Variants in NAALADL2 observed in about 807,000 individuals in gnomAD.
NAALADL2 encodes the protein inactive N-acetylated-alpha-linked acidic dipeptidase-like protein 2.
Under a neutral mutation model 87.2 loss-of-function variants are expected in NAALADL2, and 76 were observed. The observed-to-expected ratio is 0.87, with a 90% CI of 0.72 to 1.05. NAALADL2 has a LOEUF of 1.05. Ranked by LOEUF, NAALADL2 falls within the 50% of genes least tolerant of loss-of-function variation. The pLI, the probability that NAALADL2 is intolerant of heterozygous loss-of-function variation, is 0.00. For missense variants in NAALADL2, 1,089 were observed against 945.8 expected (o/e 1.15, Z -1.99); for synonymous variants, 354 against 331.0 (o/e 1.07, Z -0.75).
At chr3:174,965,564 G>A (rs1742747736) in intron 1 of NAALADL2, among the ~76,000 whole-genome samples, 2 of 152,028 alleles carry the variant, frequency 1.3e-5, no homozygotes, top group Non-Finnish European at 2.9e-5. Flanking sequence ...GAGATGGGAA[G>A]TTAATTGAAA....
At chr3:175,250,444 TATGGTATTTTGTTATG>T (rs1748856190) in intron 3 of NAALADL2, among the ~76,000 whole-genome samples, 2 of 152,168 alleles carry the variant, frequency 1.3e-5, no homozygotes, top group Non-Finnish European at 2.9e-5. Context: ...CCATCCAGCC[TATGGTATTTTGTTATG>T]ACAGCCAATT....
chr3:175,073,864 C>T (rs1017949176), intron 1 of NAALADL2, among the ~76,000 whole-genome samples: 1 of 151,980 alleles, frequency 6.6e-6, no homozygotes, highest in Non-Finnish European at 1.5e-5. Context: ...AAAAAGAAAA[C>T]CTCAGTTAGG....
At chr3:174,789,797 A>G (rs1322142390) in intron 3 of NAALADL2, among the ~76,000 whole-genome samples, 1 of 152,206 alleles carries the variant, frequency 6.6e-6, no homozygotes, top group Non-Finnish European at 1.5e-5. Flanking sequence ...TAAGTGAAGT[A>G]AACCATGGAA....
At chr3:175,577,253 T>C (rs930033062) in intron 10 of NAALADL2, among the ~76,000 whole-genome samples, 1 of 152,182 alleles carries the variant, frequency 6.6e-6, no homozygotes, top group African/African-American at 2.4e-5. Context: ...TTAGGGACTC[T>C]ACAGAGCTGT....
chr3:175,223,439 C>T (rs1743697074), intron 2 of NAALADL2, among the ~76,000 whole-genome samples: 2 of 151,782 alleles, frequency 1.3e-5, no homozygotes, highest in Admixed American at 6.6e-5. Flanking sequence ...CAGGTTCATC[C>T]ATATTGTTAC....
chr3:174,947,150 A>T (rs746551952), intron 1 of NAALADL2, among the ~76,000 whole-genome samples: 15 of 152,112 alleles, frequency 9.9e-5, no homozygotes, highest in Non-Finnish European at 1.9e-4. Context: ...CAAATGTATA[A>T]TTTTGCTGCC....
chr3:174,626,251 T>TA (rs765755944), intron 2 of NAALADL2, among the ~76,000 whole-genome samples: 62 of 152,210 alleles, frequency 4.1e-4, no homozygotes, highest in Non-Finnish European at 3.5e-4. Context: ...TACAGTGTCA[T>TA]AAAAAATTCT....
chr3:174,946,224 G>T (rs1739400036), intron 1 of NAALADL2, among the ~76,000 whole-genome samples: 2 of 151,798 alleles, frequency 1.3e-5, no homozygotes, highest in South Asian at 2.1e-4. Context: ...TTTCTCAATG[G>T]AATGCGTTTT....
At chr3:175,013,119 T>TATGTA (rs1553916747) in intron 1 of NAALADL2, among the ~76,000 whole-genome samples, 8,328 of 22,274 alleles carry the variant, frequency 0.37, 1,526 homozygotes, top group Middle Eastern at 0.5. Context: ...TATATATAAA[T>TATGTA]ATACATATTT....
intron 5 of NAALADL2, among the ~76,000 whole-genome samples, chr3:175,335,816 T>G (rs989180399): frequency 6.6e-6 from 1 of 152,204 alleles, no homozygotes; most frequent in Admixed American, 6.5e-5. Context: ...ATCTCTGGAA[T>G]ATTATGTTTT....
In NAALADL2 at chr3:174,785,099, G is replaced by T. The variant is rs1203637373; in HGVS notation, c.-9+47353G>T. On this transcript the variant is annotated intron_variant, in intron 3 of 3. Coordinates refer to the NAALADL2 transcript ENST00000434257. ...CATGGGTATATTGCGTGATGCTGAGGTTTGAGATATGAATGACACTGTCAC... is the reference window on the plus strand; with the variant it reads ...CATGGGTATATTGCGTGATGCTGAGTTTTGAGATATGAATGACACTGTCAC... Among the ~76,000 whole-genome samples the T allele has an allele frequency of 2.0e-5, 3 of 152,104 alleles. No individual in the cohort carries two copies. The South Asian group carries it at 6.2e-4, about 32-fold the overall frequency.
At chr3:175,474,475 C>G (rs57315531) in intron 9 of NAALADL2, among the ~76,000 whole-genome samples, 1,725 of 152,248 alleles carry the variant, frequency 0.011, 35 homozygotes, top group African/African-American at 0.04. Context: ...CCCACAGTAT[C>G]TGGTCTATCA....
At chr3:175,339,520 T>A (rs1157241068) in intron 5 of NAALADL2, among the ~76,000 whole-genome samples, 3 of 152,210 alleles carry the variant, frequency 2.0e-5, no homozygotes, top group Non-Finnish European at 4.4e-5. Flanking sequence ...TCATGAATGA[T>A]GTCTTATATT....
rs5854657 is a variant in NAALADL2, at chr3:175,794,384, GAA to G, written c.2190-8611_2190-8610del. Among the ~76,000 whole-genome samples, 119 of 149,064 alleles carry G rather than the reference GAA, an allele frequency of 8.0e-4. 1 individual carries two copies. The highest frequency in any genetic ancestry group is 2.6e-3 in the African/African-American group (109 of 41,234). On this transcript the variant is annotated intron_variant, in intron 13 of 13. Transcript: ENST00000454872. ...ACAAGAAACCAATTAAATGAGTGTG[GAA>G]AAAAAAAAAGTAGTCAACTGTATCA... is the stretch of plus-strand genomic sequence containing the variant.
At chr3:174,595,619 G>T (rs1717815007) in intron 2 of NAALADL2, among the ~76,000 whole-genome samples, 1 of 152,124 alleles carries the variant, frequency 6.6e-6, no homozygotes. Flanking sequence ...TTTGAAAAGA[G>T]GTTACTGGTT....
At chr3:175,654,544 G>A (rs1731193770) in intron 11 of NAALADL2, among the ~76,000 whole-genome samples, 3 of 152,086 alleles carry the variant, frequency 2.0e-5, no homozygotes, top group Non-Finnish European at 2.9e-5. Flanking sequence ...CTATAGGTAT[G>A]CCTTTCTTGT....
At chr3:174,796,695 C>G (rs1560233606) in intron 3 of NAALADL2, among the ~76,000 whole-genome samples, 2 of 152,074 alleles carry the variant, frequency 1.3e-5, no homozygotes, top group African/African-American at 4.8e-5. Flanking sequence ...GTACATGTCT[C>G]TTTTTGATGG....
At chr3:174,949,948 T>C (rs529727584) in intron 1 of NAALADL2, among the ~76,000 whole-genome samples, 25 of 152,318 alleles carry the variant, frequency 1.6e-4, no homozygotes, top group Admixed American at 3.3e-4. Flanking sequence ...AAGATTGTTA[T>C]CCATTGTCTA....
chr3:174,604,215 A>C (rs1418450300), intron 2 of NAALADL2, among the ~76,000 whole-genome samples: 1 of 152,136 alleles, frequency 6.6e-6, no homozygotes, highest in Non-Finnish European at 1.5e-5. Flanking sequence ...CTTTAGCTCT[A>C]ATAATATTTA....
Sources: gnomAD v4.1 joint callset for allele counts (sites outside exome capture counted in the v4.1 genomes callset) on GRCh38, gnomAD v4.1.1 for gene constraint, MANE v1.5 for transcripts, NCBI Gene and HGNC (gene_info 2026-07-23, HGNC 2026-07-21) for gene names.